Variants in SRGAP2B observed in about 807,000 individuals in gnomAD.
SRGAP2B encodes SLIT-ROBO Rho GTPase activating protein 2B, also known as SLIT-ROBO Rho GTPase-activating protein 2B.
Under a neutral mutation model 22.2 loss-of-function variants are expected in SRGAP2B, and 9 were observed. The observed-to-expected ratio is 0.41, with a 90% CI of 0.24 to 0.71. SRGAP2B has a LOEUF of 0.71. SRGAP2B is among the 30% of genes least tolerant of loss of function. SRGAP2B has a pLI of 0.35. For missense variants in SRGAP2B, 114 were observed against 235.8 expected, an observed-to-expected ratio of 0.48 and a Z score of 3.38; for synonymous variants, 36 against 87.4, an observed-to-expected ratio of 0.41 and a Z score of 3.28.
rs1348419763 is a variant in SRGAP2B at position 145,070,022 on chromosome 1, A to G, written c.67+22813T>C. ...AAATGGCTCCTTTGGCTGGTTGAGA[A>G]GGAATGTCATCTTTTTTTTTTTTTT... On this transcript the variant is annotated intron_variant, in intron 2 of 9. Coordinates refer to ENST00000612199, the Ensembl canonical transcript of SRGAP2B. Among the ~76,000 whole-genome samples the G allele has an allele frequency of 2.0e-5, 3 of 149,986 alleles. 1 individual carries two copies. Among genetic ancestry groups the G allele is most frequent in the African/African-American group, 7.4e-5 (3 of 40,788 alleles).
intron 2 of SRGAP2B, among the ~76,000 whole-genome samples, chr1:145,009,430 T>TA (rs1671873314): frequency 6.9e-6 from 1 of 145,928 alleles, no homozygotes; most frequent in Non-Finnish European, 1.5e-5. Flanking sequence ...CTACTAAAAA[T>TA]ACAAAAAATT....
intron 2 of SRGAP2B, among the ~76,000 whole-genome samples, chr1:145,011,986 G>C (rs1384043924): frequency 6.6e-6 from 1 of 151,062 alleles, no homozygotes; most frequent in Admixed American, 6.6e-5. Context: ...CAGGGCCTTT[G>C]CATATGCTTC....
intron 4 of SRGAP2B, among the ~76,000 whole-genome samples, chr1:144,954,920 A>G (rs1349867552): frequency 1.3e-5 from 2 of 150,296 alleles, no homozygotes; most frequent in African/African-American, 5.0e-5. Context: ...AACTAAAAAC[A>G]TAAACGTATA....
intron 6 of SRGAP2B, among the ~76,000 whole-genome samples, chr1:144,905,446 G>C (rs1662916685): frequency 6.7e-6 from 1 of 149,876 alleles, no homozygotes; most frequent in South Asian, 2.1e-4. Context: ...GCCCCACTTT[G>C]ATTCTATCTT....
chr1:144,925,890 T>G (rs1235933733), intron 4 of SRGAP2B, among the ~76,000 whole-genome samples: 1 of 116,538 alleles, frequency 8.6e-6, no homozygotes, highest in South Asian at 3.1e-4. Context: ...ATCCTTATAT[T>G]TAAAGTGTAT....
At chr1:145,018,081 GT>G (rs1672561367) in intron 2 of SRGAP2B, among the ~76,000 whole-genome samples, 1 of 146,810 alleles carries the variant, frequency 6.8e-6, no homozygotes, top group South Asian at 2.1e-4. Flanking sequence ...GTCATTTGAT[GT>G]CTTCTTTTAT....
chr1:144,907,691 C>T, intron 5 of SRGAP2B, among the ~76,000 whole-genome samples: 1 of 150,110 alleles, frequency 6.7e-6, no homozygotes, highest in Non-Finnish European at 1.5e-5. Flanking sequence ...TGCTGAACAT[C>T]CCATGCACAG....
intron 2 of SRGAP2B, among the ~76,000 whole-genome samples, chr1:145,003,475 G>C: frequency 6.7e-6 from 1 of 149,218 alleles, no homozygotes; most frequent in Non-Finnish European, 1.5e-5. Flanking sequence ...TACACCAAGA[G>C]ATAGGAATGT....
At chr1:144,987,034 G>A (rs1438679395) in intron 3 of SRGAP2B, among the ~76,000 whole-genome samples, 1 of 151,578 alleles carries the variant, frequency 6.6e-6, no homozygotes, top group African/African-American at 2.4e-5. Flanking sequence ...TCAATGCCTA[G>A]CATTGGCACT....
At chr1:145,022,358 A>C in intron 2 of SRGAP2B, among the ~76,000 whole-genome samples, 1 of 80,464 alleles carries the variant, frequency 1.2e-5, no homozygotes, top group Non-Finnish European at 2.4e-5. Context: ...AACAACAACC[A>C]AGTTTTATAT....
intron 4 of SRGAP2B, among the ~76,000 whole-genome samples, chr1:144,934,163 G>A (rs1665437810): frequency 6.6e-6 from 1 of 150,614 alleles, no homozygotes; most frequent in African/African-American, 2.5e-5. Flanking sequence ...TCAGCAGTTT[G>A]GGAGGCCGAG....
At chr1:145,021,040 C>A (rs1381239435) in intron 2 of SRGAP2B, among the ~76,000 whole-genome samples, 1 of 150,608 alleles carries the variant, frequency 6.6e-6, no homozygotes, top group African/African-American at 2.5e-5. Flanking sequence ...AACTCCTGAC[C>A]TCAAGTGATC....
chr1:144,994,703 C>T (rs1570956430), intron 3 of SRGAP2B, among the ~76,000 whole-genome samples: 1 of 148,542 alleles, frequency 6.7e-6, no homozygotes, highest in South Asian at 2.1e-4. Flanking sequence ...CAATAACCAT[C>T]ATATGGAGTT....
At chr1:144,972,855 C>T (rs1233390901) in intron 3 of SRGAP2B, among the ~76,000 whole-genome samples, 2 of 137,430 alleles carry the variant, frequency 1.5e-5, no homozygotes, top group African/African-American at 5.9e-5. Context: ...ACCTGCATTC[C>T]CAGCACTTTG....
At chr1:145,004,289 A>AT (rs1214082698) in intron 2 of SRGAP2B, among the ~76,000 whole-genome samples, 1 of 36,726 alleles carries the variant, frequency 2.7e-5, no homozygotes, top group African/African-American at 1.5e-4. Flanking sequence ...CCCCAAGTGA[A>AT]TGCACAGAAG....
chr1:145,076,078 CAACTT>C (rs1226660122), intron 2 of SRGAP2B, among the ~76,000 whole-genome samples: 4 of 150,448 alleles, frequency 2.7e-5, no homozygotes, highest in Admixed American at 6.6e-5. Context: ...GAAATTGAAA[CAACTT>C]AAATGATCAG....
At chr1:144,953,586 C>T (rs1358515583) in intron 4 of SRGAP2B, among the ~76,000 whole-genome samples, 13 of 152,214 alleles carry the variant, frequency 8.5e-5, no homozygotes, top group African/African-American at 3.1e-4. Context: ...GAATTTTCTT[C>T]ATGGATGTCA....
intron 3 of SRGAP2B, among the ~76,000 whole-genome samples, chr1:144,956,604 C>A (rs1169910233): frequency 2.2e-5 from 3 of 139,438 alleles, no homozygotes; most frequent in Non-Finnish European, 4.6e-5. Flanking sequence ...CCTGCCACCA[C>A]GCCCAGCTAA....
chr1:145,045,176 C>T (rs1345851472), intron 2 of SRGAP2B, among the ~76,000 whole-genome samples: 1 of 125,262 alleles, frequency 8.0e-6, no homozygotes, highest in East Asian at 2.3e-4. Context: ...CCCAGCTACT[C>T]GGGAGCTGAA....
Sources: gnomAD v4.1 joint callset for allele counts (sites outside exome capture counted in the v4.1 genomes callset) on GRCh38, gnomAD v4.1.1 for gene constraint, MANE v1.5 for transcripts, NCBI Gene and HGNC (gene_info 2026-07-23, HGNC 2026-07-21) for gene names.